The following SLCO3A1 variants were observed in gnomAD, a reference collection of about 807,000 sequenced individuals.
The protein encoded by SLCO3A1 is solute carrier organic anion transporter family member 3A1, also known as PGE1 transporter.
A neutral mutation model predicts 63.1 loss-of-function variants in SLCO3A1; 27 were observed. The observed-to-expected ratio is 0.43, with a 90% CI of 0.32 to 0.59. The LOEUF (loss-of-function observed/expected upper bound fraction) is 0.59. Ranked by LOEUF, SLCO3A1 falls within the 20% of genes least tolerant of loss-of-function variation. The pLI is 0.09. For synonymous variants in SLCO3A1, 473 were observed against 409.9 expected (o/e 1.15, Z -1.86); for missense variants, 773 against 945.8 (o/e 0.82, Z 2.40).
intron 2 of SLCO3A1, among the ~76,000 whole-genome samples, chr15:91,930,411 G>T (rs997708123): frequency 6.6e-6 from 1 of 152,160 alleles, no homozygotes; most frequent in Non-Finnish European, 1.5e-5. Context: ...TGGAACCTTT[G>T]TTACAAAGGT....
At chr15:92,142,324 G>T (rs192967038) in intron 7 of SLCO3A1, among the ~76,000 whole-genome samples, 1 of 152,258 alleles carries the variant, frequency 6.6e-6, no homozygotes, top group East Asian at 1.9e-4. Flanking sequence ...CACATTTATC[G>T]CAGCTCTGGA....
At chr15:92,106,802 G>A (rs889962126) in intron 4 of SLCO3A1, among the ~76,000 whole-genome samples, 2 of 152,298 alleles carry the variant, frequency 1.3e-5, no homozygotes, top group Middle Eastern at 3.4e-3. Context: ...AAGAGGCAGA[G>A]AGAAGCCCAC....
rs896346518 is a variant in SLCO3A1, at chr15:91,886,654, A to G, written c.181-29339A>G. 2.0e-5 allele frequency among the ~76,000 whole-genome samples: 3 copies of G among 152,144 alleles called. No individual in the cohort carries two copies. Among genetic ancestry groups the G allele is most frequent in the African/African-American group, 4.8e-5 (2 of 41,416 alleles). On this transcript the variant is annotated intron_variant, in intron 1 of 9. Coordinates refer to ENST00000318445, the MANE Select transcript of SLCO3A1 (RefSeq NM_013272.4). The surrounding 1 kb of genome is among the most constrained non-coding windows in gnomAD (Gnocchi z 4.9). ...CTGGCACACAGCACAGATGCATCCA[A>G]TGTCCTTATCTCTCAGGCTTTGCTT...
intron 2 of SLCO3A1, among the ~76,000 whole-genome samples, chr15:91,953,058 C>T (rs1444883757): frequency 1.3e-5 from 2 of 152,146 alleles, no homozygotes; most frequent in East Asian, 1.9e-4. Flanking sequence ...GAAGCTGCCT[C>T]GGGAAATAAC....
Position 91,916,292 on chromosome 15 carries a change from G to C in SLCO3A1, c.480G>C (p.Gly160=). 1 of 1,558,188 alleles carries C rather than the reference G, an allele frequency of 6.4e-7. No individual in the cohort carries two copies. The highest frequency in any genetic ancestry group is 8.7e-7 in the Non-Finnish European group (1 of 1,153,658). ...CCAACGGCTCGGGCGGCGACGAGGGGCCCGACCCCGACCTCATCTGCCGCA... is the reference window on the plus strand; with the variant it reads ...CCAACGGCTCGGGCGGCGACGAGGGCCCCGACCCCGACCTCATCTGCCGCA... ...CAANGSGGDE[G]PDPDLICRNR... is the part of the protein sequence containing the mutation. The change falls in exon 2 of 10, where the codon GGG becomes GGC. Residue 160 remains glycine (G), a synonymous_variant. Transcript: ENST00000318445. The surrounding 1 kb of genome is among the most constrained non-coding windows in gnomAD (Gnocchi z 6.2).
intron 3 of SLCO3A1, among the ~76,000 whole-genome samples, chr15:92,102,055 A>G (rs1363370997): frequency 6.6e-6 from 1 of 151,970 alleles, no homozygotes; most frequent in African/African-American, 2.4e-5. Context: ...GTTCCCCCAA[A>G]CAACTGCTAG....
At chr15:92,102,335 TAA>T (rs1270397984) in intron 3 of SLCO3A1, among the ~76,000 whole-genome samples, 1 of 152,158 alleles carries the variant, frequency 6.6e-6, no homozygotes, top group East Asian at 1.9e-4. Context: ...TACCCTTTTT[TAA>T]AAAGATCCCT....
chr15:92,038,116 C>G (rs935234131), intron 2 of SLCO3A1, among the ~76,000 whole-genome samples: 1 of 152,158 alleles, frequency 6.6e-6, no homozygotes, highest in African/African-American at 2.4e-5. Flanking sequence ...GTGTTTGTTT[C>G]TCTAAGGAAG....
intron 2 of SLCO3A1, among the ~76,000 whole-genome samples, chr15:91,965,637 C>T (rs1351050797): frequency 6.6e-6 from 1 of 152,104 alleles, no homozygotes; most frequent in Non-Finnish European, 1.5e-5. Context: ...CAGGGCTTGC[C>T]TACCAGGAGG....
chr15:91,880,393 C>CTGTGTGTGTGTGTG lies in SLCO3A1; in HGVS notation c.180+26306_180+26307insGTGTGTGTGTGTGT, dbSNP rs1312987837. Among the ~76,000 whole-genome samples the CTGTGTGTGTGTGTG allele has an allele frequency of 3.8e-4, 17 of 44,706 alleles. No homozygotes were observed. In the East Asian group the frequency reaches 4.6e-3, roughly 12 times the overall value. The allele number at this position is 44,706 out of a possible 152,430, so 29.3% of individuals were successfully genotyped here. On this transcript the variant is annotated intron_variant, in intron 1 of 9. Coordinates refer to ENST00000318445, the MANE Select transcript of SLCO3A1 (RefSeq NM_013272.4). ...CCGGCACTCGTGCTTCTCTCTCTCT[C>CTGTGTGTGTGTGTG]TCTCTCTCTCTCTCTCTGTGTGTGT...
At chr15:91,898,819 T>C (rs1384929997) in intron 1 of SLCO3A1, among the ~76,000 whole-genome samples, 1 of 152,128 alleles carries the variant, frequency 6.6e-6, no homozygotes, top group East Asian at 1.9e-4. Context: ...GTATTAAAAT[T>C]TCATGGGGGG....
At chr15:92,129,951 A>G (rs1443247611) in intron 7 of SLCO3A1, among the ~76,000 whole-genome samples, 6 of 152,232 alleles carry the variant, frequency 3.9e-5, no homozygotes, top group Admixed American at 3.9e-4. Flanking sequence ...AATAAATTTT[A>G]AAAGAAGGGA....
At position 91,856,196 on chromosome 15, in the gene SLCO3A1, C is replaced by T. The variant is rs376034796; in HGVS notation, c.180+2108C>T. Among the ~76,000 whole-genome samples the T allele has an allele frequency of 2.0e-5, 3 of 151,926 alleles. No individual in the cohort carries two copies. Among genetic ancestry groups the T allele is most frequent in the South Asian group, 2.1e-4 (1 of 4,818 alleles). ...GCGGCATCCTGGCACTTCTAGCCTT[C>T]GCTGATGGAAAGCCTGGTTGGGTGG... On this transcript the variant is annotated intron_variant, in intron 1 of 9. Coordinates refer to ENST00000318445, the MANE Select transcript of SLCO3A1 (RefSeq NM_013272.4). The surrounding 1 kb of genome is among the most constrained non-coding windows in gnomAD (Gnocchi z 4.9).
chr15:92,009,781 G>A (rs2046349542), intron 2 of SLCO3A1, among the ~76,000 whole-genome samples: 1 of 152,198 alleles, frequency 6.6e-6, no homozygotes, highest in African/African-American at 2.4e-5. Flanking sequence ...GGACCAAAGA[G>A]AAGTAACATG....
intron 2 of SLCO3A1, among the ~76,000 whole-genome samples, chr15:91,992,882 A>T (rs377407333): frequency 3.3e-5 from 5 of 152,322 alleles, no homozygotes; most frequent in African/African-American, 4.8e-5. Context: ...GGGCTATTGC[A>T]GTGGCATTTC....
chr15:92,022,805 G>A (rs974736943), intron 2 of SLCO3A1, among the ~76,000 whole-genome samples: 1 of 152,180 alleles, frequency 6.6e-6, no homozygotes, highest in Non-Finnish European at 1.5e-5. Context: ...CTGCACCAGG[G>A]CTTCAAGAGT....
At chr15:92,172,021 T>C in exon 11 of SLCO3A1, 1 of 622,384 alleles carries the variant, frequency 1.6e-6, no homozygotes, top group Non-Finnish European at 2.9e-6. Flanking sequence ...AGCGCAGGCC[T>C]GTGATGAGGA....
intron 1 of SLCO3A1, among the ~76,000 whole-genome samples, chr15:91,880,278 C>T (rs1452240418): frequency 2.0e-5 from 3 of 151,908 alleles, no homozygotes; most frequent in African/African-American, 7.3e-5. Context: ...CCAGTCTCCC[C>T]CAATAGTAAC....
At chr15:91,981,692 C>T (rs982034500) in intron 2 of SLCO3A1, among the ~76,000 whole-genome samples, 1 of 152,200 alleles carries the variant, frequency 6.6e-6, no homozygotes, top group African/African-American at 2.4e-5. Context: ...AAACCCTTTA[C>T]AAAGAGGACT....
Sources: allele counts gnomAD v4.1 joint callset (sites outside exome capture counted in the v4.1 genomes callset), GRCh38; gene constraint gnomAD v4.1.1; non-coding constraint Gnocchi (gnomAD v3.1); transcripts MANE v1.5; gene names NCBI Gene and HGNC (gene_info 2026-07-23, HGNC 2026-07-21).